PBX3: variants seen among roughly 807,000 people sequenced by gnomAD.
PBX3 encodes PBX homeobox 3, also known as pre-B-cell leukemia transcription factor 3.
PBX3 carries 14 observed loss-of-function variants against 48.5 expected under a neutral mutation model. The ratio of observed to expected loss-of-function variants is 0.29; its 90% confidence interval spans 0.19 to 0.45. The LOEUF (loss-of-function observed/expected upper bound fraction) is 0.45, where lower values mean the gene tolerates loss of function less well. Ranked by LOEUF, PBX3 falls within the 20% of genes least tolerant of loss-of-function variation. PBX3 has a pLI of 1.00. For synonymous variants in PBX3, 210 were observed against 200.3 expected (o/e 1.05, Z -0.41); for missense variants, 386 against 546.7 (o/e 0.71, Z 2.93).
chr9:125,899,924 A>ATTTTCTTGATATGAGC (rs6151179), intron 2 of PBX3, among the ~76,000 whole-genome samples: 26 of 151,350 alleles, frequency 1.7e-4, no homozygotes, highest in Admixed American at 9.3e-4. Flanking sequence ...CCCCAAAAGT[A>ATTTTCTTGATATGAGC]TTTCATTTAT....
intron 2 of PBX3, among the ~76,000 whole-genome samples, chr9:125,799,574 T>C (rs1448633038): frequency 2.0e-5 from 3 of 152,210 alleles, no homozygotes; most frequent in Non-Finnish European, 1.5e-5. Context: ...GTGAACATTT[T>C]TTCTTCTCTA....
intron 5 of PBX3, among the ~76,000 whole-genome samples, chr9:125,951,307 A>AG (rs1435170575): frequency 6.6e-6 from 1 of 152,194 alleles, no homozygotes; most frequent in Non-Finnish European, 1.5e-5. Flanking sequence ...ACAATAGCCC[A>AG]GCAGGAGTGT....
chr9:125,814,435 G>C (rs1442544236), intron 2 of PBX3, among the ~76,000 whole-genome samples: 2 of 152,190 alleles, frequency 1.3e-5, no homozygotes, highest in East Asian at 3.9e-4. Context: ...TATTTAAGAT[G>C]AGTGCCGTAA....
chr9:125,835,504 TCAAA>T (rs1362974933), intron 2 of PBX3, among the ~76,000 whole-genome samples: 5 of 151,892 alleles, frequency 3.3e-5, no homozygotes, highest in South Asian at 4.2e-4. Context: ...TGTAAGGAAC[TCAAA>T]CAACTCTATA....
At chr9:125,782,281 G>T (rs1193077219) in intron 2 of PBX3, among the ~76,000 whole-genome samples, 1 of 152,154 alleles carries the variant, frequency 6.6e-6, no homozygotes, top group Admixed American at 6.5e-5. Context: ...TGTGAGACTT[G>T]TTAACTATCA....
rs764276074 is a variant in PBX3 at position 125,747,627 on chromosome 9, C to A, written c.174C>A (p.Asp58Glu). 1.9e-6 allele frequency: 3 copies of A among 1,597,256 alleles called. No individual in the cohort carries two copies. In the African/African-American group the frequency reaches 4.1e-5, roughly 22 times the overall value. The change falls in exon 1 of 9, where the codon GAC (aspartate) becomes GAA (glutamate). Residue 58 changes from aspartate to glutamate, a missense_variant. Transcript: ENST00000373489. ...TCCACCAGATCATGACCATCACCGA[C>A]CAGAGCTTGGACGAGGCGCAAGCAA... ...DILHQIMTIT[D>E]QSLDEAQAKK...
intron 5 of PBX3, among the ~76,000 whole-genome samples, chr9:125,958,450 G>T (rs1842356776): frequency 6.6e-6 from 1 of 152,232 alleles, no homozygotes; most frequent in African/African-American, 2.4e-5. Context: ...GTCCCTTGGG[G>T]CTGAGCCTGA....
chr9:125,825,282 C>T (rs1387064401), intron 2 of PBX3, among the ~76,000 whole-genome samples: 2 of 150,908 alleles, frequency 1.3e-5, no homozygotes, highest in Non-Finnish European at 3.0e-5. Flanking sequence ...AGACTCTGTC[C>T]CCCGCAAAAA....
At position 125,748,607 on chromosome 9, in the gene PBX3, G is replaced by C. The variant is rs527311115; in HGVS notation, c.258G>C (p.Glu86Asp). The C allele has an allele frequency of 2.5e-6, 4 of 1,613,550 alleles. No homozygotes were observed. The highest frequency in any genetic ancestry group is 8.5e-7 in the Non-Finnish European group (1 of 1,179,856). ...MKPALFSVLC[E>D]IKEKTGLSIR... Reference sequence around the variant, plus strand: ...CAGCGCTCTTCAGCGTCCTGTGTGAGATCAAAGAGAAAACAGGTAAGACGC... The same window carrying C: ...CAGCGCTCTTCAGCGTCCTGTGTGACATCAAAGAGAAAACAGGTAAGACGC... Residue 86 changes from glutamate to aspartate, a missense_variant, in exon 2 of 9, where the codon GAG (glutamate) becomes GAC (aspartate). Physicochemically the swap from Glu to Asp is conservative, Grantham distance 45. Around this residue, in one of 4 missense-constraint regions of PBX3, gnomAD observed 69 missense variants for 99.1 expected, o/e 0.70. Coordinates refer to ENST00000373489, the MANE Select transcript of PBX3 (RefSeq NM_006195.6).
chr9:125,949,723 A>G (rs1035600303), intron 5 of PBX3, among the ~76,000 whole-genome samples: 2 of 152,254 alleles, frequency 1.3e-5, no homozygotes, highest in African/African-American at 4.8e-5. Context: ...TAGTGGTTGA[A>G]TAAATAAGCG....
chr9:125,891,698 T>C (rs1300061107), intron 2 of PBX3, among the ~76,000 whole-genome samples: 3 of 152,220 alleles, frequency 2.0e-5, no homozygotes, highest in African/African-American at 7.2e-5. Context: ...ATACCAAATT[T>C]AGCCATTTAA....
chr9:125,919,359 ATTTTTTTTT>A (rs34891465), intron 3 of PBX3, among the ~76,000 whole-genome samples: 1 of 102,752 alleles, frequency 9.7e-6, no homozygotes, highest in African/African-American at 3.8e-5. Context: ...TGCCCGTCTA[ATTTTTTTTT>A]TTTTTTTTTT....
chr9:125,801,962 C>T (rs1283715078), intron 2 of PBX3, among the ~76,000 whole-genome samples: 4 of 152,046 alleles, frequency 2.6e-5, no homozygotes, highest in African/African-American at 9.7e-5. Context: ...CTTGTAATCC[C>T]AGCACTTTGG....
chr9:125,952,053 T>G (rs1413270946), intron 5 of PBX3, among the ~76,000 whole-genome samples: 2 of 152,212 alleles, frequency 1.3e-5, no homozygotes, highest in Admixed American at 1.3e-4. Flanking sequence ...AGAAACTGTT[T>G]GTTAGAGGTA....
rs762522811 is a variant in PBX3, at chr9:125,929,875, C to A, written c.707+30C>A. Reference sequence around the variant, plus strand: ...GTGAAGCCATAAATCTATTGCATGGCTTTCCCCCGTCTGTCACTCCTTGTG... The same window carrying A: ...GTGAAGCCATAAATCTATTGCATGGATTTCCCCCGTCTGTCACTCCTTGTG... On this transcript the variant is annotated intron_variant, in intron 4 of 8. Coordinates refer to ENST00000373489, the MANE Select transcript of PBX3 (RefSeq NM_006195.6). 13 of 1,515,910 alleles carry A rather than the reference C, an allele frequency of 8.6e-6. No individual in the cohort carries two copies. In the South Asian group the frequency reaches 1.4e-4, roughly 16 times the overall value. The allele number at this position is 1,515,910 out of a possible 1,614,324, so 93.9% of individuals were successfully genotyped here.
At chr9:125,939,350 T>A (rs1240222953) in intron 5 of PBX3, among the ~76,000 whole-genome samples, 1 of 152,138 alleles carries the variant, frequency 6.6e-6, no homozygotes, top group Non-Finnish European at 1.5e-5. Context: ...GTCAATTGTA[T>A]GAAAAGATCC....
At chr9:125,766,995 CTG>C (rs1836816089) in intron 2 of PBX3, among the ~76,000 whole-genome samples, 1 of 152,148 alleles carries the variant, frequency 6.6e-6, no homozygotes, top group Non-Finnish European at 1.5e-5. Flanking sequence ...CTTGACTTCT[CTG>C]TGTTACAGTC....
chr9:125,911,628 C>G (rs1224730037), intron 2 of PBX3, among the ~76,000 whole-genome samples: 1 of 152,096 alleles, frequency 6.6e-6, no homozygotes, highest in East Asian at 1.9e-4. Context: ...AAACATTTTT[C>G]TCTGAGCTAA....
At chr9:125,847,771 T>C (rs568434591) in intron 2 of PBX3, among the ~76,000 whole-genome samples, 22 of 151,858 alleles carry the variant, frequency 1.4e-4, no homozygotes, top group Admixed American at 1.1e-3. Flanking sequence ...GTCTAGGGAC[T>C]GAATCTTCTA....
Sources: gnomAD v4.1 joint callset for allele counts (sites outside exome capture counted in the v4.1 genomes callset) on GRCh38, gnomAD v4.1.1 for gene constraint, gnomAD v4.1.1 regional missense constraint, MANE v1.5 for transcripts, NCBI Gene and HGNC (gene_info 2026-07-23, HGNC 2026-07-21) for gene names.